Variants in ANKRD60 observed in about 807,000 individuals in gnomAD.
ANKRD60 encodes ankyrin repeat domain-containing protein 60.
Under a neutral mutation model 21.3 loss-of-function variants are expected in ANKRD60, and 24 were observed. That is an observed-to-expected ratio of 1.13 (90% confidence interval 0.82 to 1.59). ANKRD60 has a LOEUF of 1.59. Ranked by LOEUF, ANKRD60 falls within the 40% of genes most tolerant of loss-of-function variation. The pLI, the probability that ANKRD60 is intolerant of heterozygous loss-of-function variation, is 0.00. For synonymous variants in ANKRD60, 182 were observed against 199.4 expected (o/e 0.91, Z 0.74); for missense variants, 490 against 466.7 (o/e 1.05, Z -0.46).
At chr20:58,223,010 C>T (rs1208841343) in intron 2 of ANKRD60, 42 bp downstream of exon 2, 1 of 1,515,412 alleles carries the variant, frequency 6.6e-7, no homozygotes, top group African/African-American at 1.4e-5. Flanking sequence ...TTTACGGTTG[C>T]TTCGTAACGT....
intron 1 of ANKRD60, among the ~76,000 whole-genome samples, chr20:58,225,313 T>C (rs1984343104): frequency 6.6e-6 from 1 of 152,200 alleles, no homozygotes; most frequent in Non-Finnish European, 1.5e-5. Flanking sequence ...TACATAATTT[T>C]CAAATTACTT....
chr20:58,220,140 G>T (rs1055643287), intron 3 of ANKRD60, among the ~76,000 whole-genome samples: 1 of 152,208 alleles, frequency 6.6e-6, no homozygotes, highest in African/African-American at 2.4e-5. Flanking sequence ...AAAGAAAGGG[G>T]TCTAATTTGG....
chr20:58,218,697 A>G, exon 4 of ANKRD60: 1 of 1,551,744 alleles, frequency 6.4e-7, no homozygotes, highest in Non-Finnish European at 8.7e-7. Context: ...TCTGTCGTGG[A>G]TGGAGGCCCC....
chr20:58,223,515 A>G (rs1984304474), intron 1 of ANKRD60, among the ~76,000 whole-genome samples: 1 of 152,254 alleles, frequency 6.6e-6, no homozygotes, highest in Non-Finnish European at 1.5e-5. Context: ...AATGACTTAA[A>G]CCTGAAGTAA....
In ANKRD60 at chr20:58,223,300, G is replaced by A. The variant is rs772036446; in HGVS notation, c.431-118C>T. On this transcript the variant is annotated intron_variant, in intron 1 of 3. Coordinates refer to ENST00000457363, the Ensembl canonical transcript of ANKRD60. Reference sequence around the variant, plus strand: ...CCACAAAGATAATTTTAGAAATATCGAATACAAATCTCATTTGATGGTGTC... The same window carrying A: ...CCACAAAGATAATTTTAGAAATATCAAATACAAATCTCATTTGATGGTGTC... 228 of 882,960 alleles carry A rather than the reference G, an allele frequency of 2.6e-4. 1 individual carries two copies. The highest frequency in any genetic ancestry group is 3.0e-4 in the Middle Eastern group (1 of 3,334). The allele number at this position is 882,960 out of a possible 1,614,324, so 54.7% of individuals were successfully genotyped here.
chr20:58,216,311 G>C (rs1791848519), downstream of ANKRD60, among the ~76,000 whole-genome samples: 1 of 152,206 alleles, frequency 6.6e-6, no homozygotes, highest in African/African-American at 2.4e-5. Context: ...CTGGCCAAGT[G>C]CTTAATTGAA....
Position 58,228,092 on chromosome 20 carries a change from T to G in ANKRD60, c.430+132A>C. 2.3e-6 allele frequency: 2 copies of G among 874,938 alleles called. No homozygotes were observed. Among genetic ancestry groups the G allele is most frequent in the South Asian group, 1.9e-5 (1 of 53,310 alleles). 54.2% of individuals were successfully genotyped at this position (874,938 alleles called of 1,614,324 possible). ...TGGCCCTTCCATCTGGGTTTCAGGGTGGTTGGGTTTCAGGGGTTTGCTTTG... is the reference window on the plus strand; with the variant it reads ...TGGCCCTTCCATCTGGGTTTCAGGGGGGTTGGGTTTCAGGGGTTTGCTTTG... On this transcript the variant is annotated intron_variant, in intron 1 of 3. Transcript: ENST00000457363. The surrounding 1 kb of genome is among the most constrained non-coding windows in gnomAD (Gnocchi z 5.3).
downstream of ANKRD60, chr20:58,218,450 A>C: frequency 6.6e-7 from 1 of 1,519,316 alleles, no homozygotes; most frequent in Non-Finnish European, 8.9e-7. Flanking sequence ...GAACTCTGCA[A>C]AGTTGCCCAA....
chr20:58,226,443 C>A (rs1281029066), intron 1 of ANKRD60, among the ~76,000 whole-genome samples: 1 of 151,886 alleles, frequency 6.6e-6, no homozygotes, highest in Non-Finnish European at 1.5e-5. Flanking sequence ...AATTTGGGCT[C>A]CTGCTATATG....
At chr20:58,227,415 C>T (rs900287114) in intron 1 of ANKRD60, among the ~76,000 whole-genome samples, 7 of 152,054 alleles carry the variant, frequency 4.6e-5, no homozygotes, top group African/African-American at 1.4e-4. Context: ...ATCTGGGGTT[C>T]TGAGGTAGTC....
At chr20:58,217,168 T>C (rs143834197), downstream of ANKRD60, among the ~76,000 whole-genome samples, 964 of 152,298 alleles carry the variant, frequency 6.3e-3, 13 homozygotes, top group African/African-American at 0.021. Context: ...TGGTGGCTCA[T>C]GCCTGTAAAT....
chr20:58,223,654 T>A (rs1984307519), intron 1 of ANKRD60, among the ~76,000 whole-genome samples: 1 of 152,184 alleles, frequency 6.6e-6, no homozygotes, highest in Non-Finnish European at 1.5e-5. Context: ...TCTTTCAAAT[T>A]GAAGCGTGGG....
In ANKRD60 at chr20:58,228,395, G is replaced by GC. The variant is rs770098493; in HGVS notation, c.258dup (p.Pro87AlafsTer6). Reference sequence around the variant, plus strand: ...ACGAAGACGTCAGGGGCCAAGTCGGGCAAGGCACTCGCGGCCTTCGGGTCA... The same window carrying GC: ...ACGAAGACGTCAGGGGCCAAGTCGGGCCAAGGCACTCGCGGCCTTCGGGTCA... On this transcript the variant is annotated frameshift_variant, in exon 1 of 4. Transcript: ENST00000457363. LOFTEE classifies it high-confidence loss of function. The surrounding 1 kb of genome is among the most constrained non-coding windows in gnomAD (Gnocchi z 5.3). 4.4e-5 allele frequency: 68 copies of GC among 1,546,528 alleles called. No individual in the cohort carries two copies. Among genetic ancestry groups the GC allele is most frequent in the Non-Finnish European group, 5.7e-5 (65 of 1,146,670 alleles).
At chr20:58,224,359 T>C (rs1188140083) in intron 1 of ANKRD60, among the ~76,000 whole-genome samples, 2 of 152,222 alleles carry the variant, frequency 1.3e-5, no homozygotes, top group Non-Finnish European at 2.9e-5. Context: ...TTCATGGCTT[T>C]GTGCTTATGT....
chr20:58,226,927 G>A (rs1313777708), intron 1 of ANKRD60, among the ~76,000 whole-genome samples: 1 of 152,112 alleles, frequency 6.6e-6, no homozygotes, highest in African/African-American at 2.4e-5. Context: ...GTTGGAGGCC[G>A]GGGGTCCAGA....
chr20:58,216,916 T>A (rs1984147393), downstream of ANKRD60, among the ~76,000 whole-genome samples: 1 of 151,878 alleles, frequency 6.6e-6, no homozygotes, highest in Admixed American at 6.6e-5. Context: ...GGTGGGAGAG[T>A]GGACCCCACA....
chr20:58,228,468 G>A lies in ANKRD60; in HGVS notation c.186C>T (p.Pro62=). Residue 62 remains proline (P), a synonymous_variant, in exon 1 of 4, where the codon CCC becomes CCT. Coordinates refer to ENST00000457363, the Ensembl canonical transcript of ANKRD60. This position sits in a 1 kb window ranked among gnomAD's most constrained non-coding sequence, Gnocchi z 5.3. ...CGCGGGCACAGGCCAGGGGCTGCGC[G>A]GGGAGGGCCCGCGAGTCCGCCGAGC... 10 of 1,524,336 alleles carry A rather than the reference G, an allele frequency of 6.6e-6. No individual in the cohort carries two copies. In the Admixed American group the frequency reaches 8.0e-5, roughly 12 times the overall value. The allele number at this position is 1,524,336 out of a possible 1,614,324, so 94.4% of individuals were successfully genotyped here. A position where few individuals can be genotyped will look rare whatever the true frequency, so the allele number is the denominator to read the frequency against.
chr20:58,220,683 AGTGTGT>A (rs36015489), intron 3 of ANKRD60, among the ~76,000 whole-genome samples: 1,528 of 148,470 alleles, frequency 0.01, 7 homozygotes, highest in African/African-American at 0.014. Context: ...GGTTTTTTCT[AGTGTGT>A]GTGTGTGTGT....
intron 1 of ANKRD60, among the ~76,000 whole-genome samples, chr20:58,227,966 G>C (rs1351748082): frequency 1.3e-5 from 2 of 152,156 alleles, no homozygotes; most frequent in Non-Finnish European, 2.9e-5. Context: ...CCTGCTTGTG[G>C]ATTAGGGTCC....
Sources: allele counts gnomAD v4.1 joint callset (sites outside exome capture counted in the v4.1 genomes callset), GRCh38; gene constraint gnomAD v4.1.1; non-coding constraint Gnocchi (gnomAD v3.1); transcripts MANE v1.5; gene names NCBI Gene and HGNC (gene_info 2026-07-23, HGNC 2026-07-21).